The following ATF7IP variants were observed in gnomAD, a reference collection of about 807,000 sequenced individuals.
The protein encoded by ATF7IP is activating transcription factor 7 interacting protein, also known as activating transcription factor 7-interacting protein 1.
ATF7IP carries 23 observed loss-of-function variants against 106.4 expected under a neutral mutation model. The observed-to-expected ratio is 0.22, with a 90% CI of 0.16 to 0.31. The LOEUF (loss-of-function observed/expected upper bound fraction) is 0.31. Ranked by LOEUF, ATF7IP falls within the 10% of genes least tolerant of loss-of-function variation. The pLI is 1.00. For missense variants in ATF7IP, 1,334 were observed against 1,524.3 expected (o/e 0.88, Z 2.08); for synonymous variants, 542 against 539.0 (o/e 1.01, Z -0.08).
intron 5 of ATF7IP, among the ~76,000 whole-genome samples, chr12:14,445,554 T>A (rs903373273): frequency 1.3e-5 from 2 of 152,144 alleles, no homozygotes; most frequent in Admixed American, 6.5e-5. Flanking sequence ...AAATCCATGT[T>A]AAGGATATGA....
intron 6 of ATF7IP, among the ~76,000 whole-genome samples, chr12:14,454,449 T>C (rs1463470266): frequency 6.6e-6 from 1 of 152,214 alleles, no homozygotes; most frequent in African/African-American, 2.4e-5. Context: ...TAGTCCTCCA[T>C]GTTGGGTAAG....
chr12:14,371,346 A>G (rs1483896982), intron 1 of ATF7IP, among the ~76,000 whole-genome samples: 1 of 152,124 alleles, frequency 6.6e-6, no homozygotes, highest in African/African-American at 2.4e-5. Flanking sequence ...TTAAGATATT[A>G]TTGGCCTTTC....
At chr12:14,491,620 G>A (rs553122463) in intron 13 of ATF7IP, among the ~76,000 whole-genome samples, 74 of 152,348 alleles carry the variant, frequency 4.9e-4, no homozygotes, top group African/African-American at 1.5e-3. Flanking sequence ...CACAAAGCTG[G>A]AGAGTTGATA....
intron 2 of ATF7IP, 148 bp downstream of exon 2, chr12:14,425,621 G>A (rs1941802473): frequency 7.9e-6 from 6 of 762,026 alleles, no homozygotes; most frequent in African/African-American, 1.8e-5. Flanking sequence ...TAACTTCATA[G>A]AATTCAGAAT....
chr12:14,496,094 G>T (rs1945003759), intron 13 of ATF7IP, 137 bp from the exon 14 acceptor site: 1 of 605,680 alleles, frequency 1.7e-6, no homozygotes. Context: ...AATACGAACA[G>T]GACCTCTAGG....
chr12:14,455,961 G>A (rs1010104001), intron 6 of ATF7IP, among the ~76,000 whole-genome samples: 39 of 152,156 alleles, frequency 2.6e-4, no homozygotes, highest in South Asian at 6.2e-4. Flanking sequence ...ATATGTAGGC[G>A]TTATAATTCC....
chr12:14,468,493 T>TAA (rs5796596), intron 10 of ATF7IP, among the ~76,000 whole-genome samples: 7 of 143,256 alleles, frequency 4.9e-5, no homozygotes, highest in East Asian at 4.0e-4. Context: ...AGAAGAAACT[T>TAA]AAAAAAAAAA....
chr12:14,494,320 TATATATATATA>T lies in ATF7IP; in HGVS notation c.3281-1910_3281-1900del, dbSNP rs1301613355. ...ATATATATATATATATATATATATA[TATATATATATA>T]TATGTGTGTGTGTATATGTATATAT... On this transcript the variant is annotated intron_variant, in intron 13 of 14. Transcript: ENST00000261168. Among the ~76,000 whole-genome samples the T allele has an allele frequency of 3.5e-4, 41 of 116,590 alleles. 1 individual carries two copies. The highest frequency in any genetic ancestry group is 5.7e-4 in the Admixed American group (6 of 10,564). 76.5% of individuals were successfully genotyped at this position (116,590 alleles called of 152,430 possible). A position where few individuals can be genotyped will look rare whatever the true frequency, so the allele number is the denominator to read the frequency against.
intron 13 of ATF7IP, chr12:14,482,583 C>T (rs749852044): frequency 6.6e-6 from 1 of 152,234 alleles, no homozygotes; most frequent in Non-Finnish European, 1.5e-5. Flanking sequence ...AGCCCATTTT[C>T]TGCCTGCTTT....
intron 13 of ATF7IP, among the ~76,000 whole-genome samples, chr12:14,486,531 CTT>C (rs1198813902): frequency 1.3e-5 from 2 of 152,142 alleles, no homozygotes; most frequent in African/African-American, 2.4e-5. Context: ...TTATAATTCT[CTT>C]TTTATTATTC....
chr12:14,457,354 CT>C, intron 8 of ATF7IP, 59 bp downstream of exon 8: 1 of 1,226,630 alleles, frequency 8.2e-7, no homozygotes, highest in Middle Eastern at 1.9e-4. Context: ...CTTTGGTTCT[CT>C]TTTCTTACAT....
intron 1 of ATF7IP, among the ~76,000 whole-genome samples, chr12:14,388,460 C>A (rs1276420441): frequency 6.7e-6 from 1 of 149,214 alleles, no homozygotes; most frequent in Non-Finnish European, 1.5e-5. Context: ...GATTCTCCTG[C>A]CTCAGCCTCC....
At chr12:14,446,201 G>A (rs1215545990) in intron 5 of ATF7IP, among the ~76,000 whole-genome samples, 2 of 151,780 alleles carry the variant, frequency 1.3e-5, no homozygotes, top group Non-Finnish European at 2.9e-5. Context: ...AGGCTGGAGT[G>A]CAGTGGCGCG....
At chr12:14,394,231 C>T (rs1283485076) in intron 1 of ATF7IP, among the ~76,000 whole-genome samples, 1 of 152,126 alleles carries the variant, frequency 6.6e-6, no homozygotes, top group Admixed American at 6.6e-5. Flanking sequence ...ATGAGGATAA[C>T]ATTAGGTAAT....
chr12:14,468,749 G>A (rs1943929041), intron 10 of ATF7IP, among the ~76,000 whole-genome samples: 1 of 152,156 alleles, frequency 6.6e-6, no homozygotes, highest in African/African-American at 2.4e-5. Flanking sequence ...AATTACAGGA[G>A]TTTTATTGTG....
intron 1 of ATF7IP, among the ~76,000 whole-genome samples, chr12:14,400,552 G>C (rs1940135649): frequency 6.6e-6 from 1 of 151,988 alleles, no homozygotes; most frequent in African/African-American, 2.4e-5. Flanking sequence ...TGGTGTGCTT[G>C]ATAATATTTC....
chr12:14,485,732 A>G (rs376217961), intron 13 of ATF7IP, among the ~76,000 whole-genome samples: 19 of 152,352 alleles, frequency 1.2e-4, no homozygotes, highest in East Asian at 7.7e-4. Flanking sequence ...TGCCAAGTCA[A>G]TGGCTGCACA....
chr12:14,387,123 T>G (rs1466297414), intron 1 of ATF7IP, among the ~76,000 whole-genome samples: 1 of 152,192 alleles, frequency 6.6e-6, no homozygotes, highest in Non-Finnish European at 1.5e-5. Context: ...TGTAAAATCT[T>G]TAGGACTGTC....
At chr12:14,474,843 G>A (rs1049613474) in intron 10 of ATF7IP, among the ~76,000 whole-genome samples, 5 of 152,236 alleles carry the variant, frequency 3.3e-5, no homozygotes, top group African/African-American at 1.2e-4. Flanking sequence ...ATAATATGTT[G>A]TAGTGAAAGA....
Sources: allele counts gnomAD v4.1 joint callset (sites outside exome capture counted in the v4.1 genomes callset), GRCh38; gene constraint gnomAD v4.1.1; transcripts MANE v1.5; gene names NCBI Gene and HGNC (gene_info 2026-07-23, HGNC 2026-07-21).